SMPD2: variants seen among roughly 807,000 people sequenced by gnomAD.
The protein encoded by SMPD2 is sphingomyelin phosphodiesterase 2, also known as N-SMase.
In SMPD2, 35 loss-of-function variants were observed where a neutral mutation model predicts 41.7. That is an observed-to-expected ratio of 0.84 (90% CI 0.64 to 1.11). The LOEUF (loss-of-function observed/expected upper bound fraction) is 1.11, where lower values mean the gene tolerates loss of function less well. SMPD2 is among the 50% of genes most tolerant of loss of function. SMPD2 has a pLI of 0.00. For missense variants in SMPD2, 520 were observed against 524.8 expected (o/e 0.99, Z 0.09); for synonymous variants, 201 against 208.2 (o/e 0.97, Z 0.30).
chr6:109,441,695 C>T (rs1277115603), intron 3 of SMPD2, 67 bp downstream of exon 3: 1 of 1,416,348 alleles, frequency 7.1e-7, no homozygotes, highest in Middle Eastern at 1.8e-4. Flanking sequence ...CAGCCCTTCC[C>T]TATCCTGCCT....
intron 6 of SMPD2, 46 bp downstream of exon 6, chr6:109,442,671 G>C: frequency 6.2e-7 from 1 of 1,614,140 alleles, no homozygotes; most frequent in African/African-American, 1.3e-5. Context: ...GGGACCCAGG[G>C]GCTGAGGGTG....
In SMPD2 at chr6:109,442,739, C is replaced by T. The variant is rs781671880; in HGVS notation, c.492-13C>T. On this transcript the variant is annotated splice_polypyrimidine_tract_variant and intron_variant, in intron 6 of 9. Coordinates refer to ENST00000258052, the MANE Select transcript of SMPD2 (RefSeq NM_003080.3). ...ATGGAAGAACTCCCGCCTCACCAAC[C>T]TGGTTCCCCCAGCCACACATCCAAG... 1 of 1,603,814 alleles carries T rather than the reference C, an allele frequency of 6.2e-7. No individual in the cohort carries two copies. Among genetic ancestry groups the T allele is most frequent in the Non-Finnish European group, 8.5e-7 (1 of 1,179,542 alleles).
At chr6:109,442,679 G>A (rs1260336939) in intron 6 of SMPD2, 54 bp downstream of exon 6, 1 of 1,614,170 alleles carries the variant, frequency 6.2e-7, no homozygotes, top group East Asian at 2.2e-5. Context: ...GGGGCTGAGG[G>A]TGAACAAGGC....
Position 109,443,336 on chromosome 6 carries a change from AC to A in SMPD2, c.805del (p.Leu269SerfsTer7). 2 of 1,610,898 alleles carry A rather than the reference AC, an allele frequency of 1.2e-6. No individual in the cohort carries two copies. Among genetic ancestry groups the A allele is most frequent in the East Asian group, 2.2e-5 (1 of 44,834 alleles). Reference protein sequence around the residue: ...TTTGFDPHRGTPLSDHEALMA... With the variant: ...TTTGFDPHRGXPLSDHEALMA... The stretch of plus-strand genomic sequence containing the variant: ...TACAGGCTTTGACCCTCACAGGGGC[AC>A]CCCCCTCTCTGATCATGAAGCCCTG... On this transcript the variant is annotated frameshift_variant, in exon 9 of 10. Coordinates refer to ENST00000258052, the MANE Select transcript of SMPD2 (RefSeq NM_003080.3). LOFTEE classifies it high-confidence loss of function.
At chr6:109,441,815 G>A in intron 3 of SMPD2, 159 bp from the exon 4 acceptor site, 1 of 306,952 alleles carries the variant, frequency 3.3e-6, no homozygotes, top group Non-Finnish European at 4.8e-6. Flanking sequence ...TTTTCTGGCT[G>A]CCCTATACTC....
At chr6:109,442,420 G>A (rs1355211117) in intron 5 of SMPD2, 121 bp downstream of exon 5, 2 of 1,327,042 alleles carry the variant, frequency 1.5e-6, no homozygotes, top group South Asian at 2.4e-5. Flanking sequence ...TTATAAGGAA[G>A]CAATGGGCAA....
chr6:109,440,768 C>T lies in SMPD2; in HGVS notation c.-354C>T, dbSNP rs1774820475. On this transcript the variant is annotated 5_prime_UTR_variant, in exon 1 of 10. Transcript: ENST00000258052. ...GCTGGGCCGCCGGCGCGCGGGCGGC[C>T]GCGACCGCCGGGGACGAGCTTGGAG... The T allele has an allele frequency of 2.9e-6, 1 of 339,286 alleles. No homozygotes were observed. Among genetic ancestry groups the T allele is most frequent in the African/African-American group, 2.2e-5 (1 of 45,936 alleles). 21.0% of individuals were successfully genotyped at this position (339,286 alleles called of 1,614,324 possible).
intron 3 of SMPD2, 59 bp from the exon 4 acceptor site, chr6:109,441,915 G>A (rs766960786): frequency 1.8e-5 from 26 of 1,451,692 alleles, no homozygotes; most frequent in Non-Finnish European, 2.4e-5. Flanking sequence ...CAAGGGAGGG[G>A]AAGAAGGCTG....
rs745765827 is a variant in SMPD2, at chr6:109,443,360, C to A, written c.823C>A (p.Leu275Met). Residue 275 changes from leucine to methionine, a missense_variant, in exon 9 of 10, where the codon CTG (leucine) becomes ATG (methionine). Leu to Met is a conservative substitution (Grantham distance 15). Transcript: ENST00000258052. ...CACCCCCCTCTCTGATCATGAAGCC[C>A]TGATGGCTACTCTGTTTGTGAGGCA... is the stretch of plus-strand genomic sequence containing the variant. The part of the protein sequence containing the change: ...RGTPLSDHEA[L>M]MATLFVRHSP... The A allele has an allele frequency of 1.7e-5, 28 of 1,613,984 alleles. No individual in the cohort carries two copies. In the African/African-American group the frequency reaches 3.1e-4, roughly 18 times the overall value.
Position 109,443,601 on chromosome 6 carries a change from G to A in SMPD2, c.968G>A (p.Trp323Ter), listed in dbSNP as rs1380495375. The A allele has an allele frequency of 1.9e-6, 3 of 1,613,788 alleles. No homozygotes were observed. The highest frequency in any genetic ancestry group is 2.5e-6 in the Non-Finnish European group (3 of 1,180,010). Residue 323 changes from tryptophan (W) to a stop codon, truncating the protein, a stop_gained, in exon 10 of 10, where the codon TGG becomes TAG. Transcript: ENST00000258052. LOFTEE classifies it low-confidence loss of function (END_TRUNC). ...CTGGGCATGGCTCAGGCTCGCTGGT[G>A]GGCCACCTTCGCTAGCTATGTGATT... ...LGLGMAQARW[W>*]ATFASYVIGL...
At position 109,440,963 on chromosome 6, in the gene SMPD2, T is replaced by G; in HGVS notation, c.-159T>G. 2.6e-5 allele frequency: 17 copies of G among 642,222 alleles called. No individual in the cohort carries two copies. The highest frequency in any genetic ancestry group is 6.3e-5 in the South Asian group (3 of 47,454). 39.8% of individuals were successfully genotyped at this position (642,222 alleles called of 1,614,324 possible). A position where few individuals can be genotyped will look rare whatever the true frequency, so the allele number is the denominator to read the frequency against. Reference sequence around the variant, plus strand: ...GCCGGTTGCCGGGGGAACGCGGGAGTCGGGCCCGACCTGAGCCACGCGGGC... The same window carrying G: ...GCCGGTTGCCGGGGGAACGCGGGAGGCGGGCCCGACCTGAGCCACGCGGGC... On this transcript the variant is annotated 5_prime_UTR_variant, in exon 1 of 10. Coordinates refer to ENST00000258052, the MANE Select transcript of SMPD2 (RefSeq NM_003080.3).
chr6:109,441,164 A>T lies in SMPD2; in HGVS notation c.43A>T (p.Asn15Tyr), dbSNP rs745963003. 1.5e-5 allele frequency: 24 copies of T among 1,613,942 alleles called. 1 individual carries two copies. The South Asian group carries it at 2.6e-4, about 18-fold the overall frequency. The part of the protein sequence containing the change: ...FSLRLRIFNL[N>Y]CWGIPYLSKH... ...CCTGCGACTGCGGATCTTCAACCTC[A>T]ACTGCTGGTGAGTGCGTCTGCGGAG... The change falls in exon 1 of 10, where the codon AAC (asparagine) becomes TAC (tyrosine). Residue 15 changes from asparagine to tyrosine, a missense_variant. By Grantham distance (143) the Asn-to-Tyr change is moderately radical (BLOSUM62 -2). Coordinates refer to ENST00000258052, the MANE Select transcript of SMPD2 (RefSeq NM_003080.3).
In SMPD2 at chr6:109,440,894, G is replaced by C; in HGVS notation, c.-228G>C. ...CCTGGGCGCCCGGATTTCGGCAGCG[G>C]ATCGCCTTTCCGGGTTGGCGGCCCG... On this transcript the variant is annotated 5_prime_UTR_variant, in exon 1 of 10. Coordinates refer to ENST00000258052, the MANE Select transcript of SMPD2 (RefSeq NM_003080.3). The C allele has an allele frequency of 1.8e-6, 1 of 556,682 alleles. No individual in the cohort carries two copies. The highest frequency in any genetic ancestry group is 2.3e-5 in the South Asian group (1 of 43,164). The allele number at this position is 556,682 out of a possible 1,614,324, so 34.5% of individuals were successfully genotyped here. A position where few individuals can be genotyped will look rare whatever the true frequency, so the allele number is the denominator to read the frequency against.
chr6:109,442,197 C>T lies in SMPD2; in HGVS notation c.319-13C>T. 2.5e-6 allele frequency: 4 copies of T among 1,613,736 alleles called. No individual in the cohort carries two copies. Among genetic ancestry groups the T allele is most frequent in the Non-Finnish European group, 3.4e-6 (4 of 1,179,626 alleles). The stretch of plus-strand genomic sequence containing the variant: ...TGGCGGTGCCCTGAGTTTCTATCTC[C>T]TCCTGCCTGCAGATCCATCATGGTG... On this transcript the variant is annotated splice_polypyrimidine_tract_variant and intron_variant, in intron 4 of 9. Transcript: ENST00000258052.
In SMPD2 at chr6:109,440,899, C is replaced by T. The variant is rs944215738; in HGVS notation, c.-223C>T. On this transcript the variant is annotated 5_prime_UTR_variant, in exon 1 of 10. Coordinates refer to ENST00000258052, the MANE Select transcript of SMPD2 (RefSeq NM_003080.3). ...GCGCCCGGATTTCGGCAGCGGATCGCCTTTCCGGGTTGGCGGCCCGCCTGA... is the reference window on the plus strand; with the variant it reads ...GCGCCCGGATTTCGGCAGCGGATCGTCTTTCCGGGTTGGCGGCCCGCCTGA... The T allele has an allele frequency of 3.5e-6, 2 of 563,976 alleles. No homozygotes were observed. Among genetic ancestry groups the T allele is most frequent in the Admixed American group, 3.5e-5 (1 of 28,380 alleles). The allele number at this position is 563,976 out of a possible 1,614,324, so 34.9% of individuals were successfully genotyped here. A position where few individuals can be genotyped will look rare whatever the true frequency, so the allele number is the denominator to read the frequency against.
chr6:109,442,890 G>T lies in SMPD2; in HGVS notation c.624+6G>T. ...TTGAAACTCGGGACTTCAAGGTGAG[G>T]ACTTGCCTGTTACTTCCCCACCTAT... is the stretch of plus-strand genomic sequence containing the variant. On this transcript the variant is annotated splice_donor_region_variant and intron_variant, in intron 7 of 9. Transcript: ENST00000258052. The T allele has an allele frequency of 6.2e-7, 1 of 1,612,182 alleles. No homozygotes were observed. Among genetic ancestry groups the T allele is most frequent in the Non-Finnish European group, 8.5e-7 (1 of 1,178,388 alleles).
In SMPD2 at chr6:109,441,067, C is replaced by T. The variant is rs1774847799; in HGVS notation, c.-55C>T. 6.3e-7 allele frequency: 1 copy of T among 1,593,880 alleles called. No individual in the cohort carries two copies. Among genetic ancestry groups the T allele is most frequent in the African/African-American group, 1.3e-5 (1 of 74,458 alleles). On this transcript the variant is annotated 5_prime_UTR_variant, in exon 1 of 10. Transcript: ENST00000258052. ...GCGCCGCCGGCCGCCCCCGTCCCCA[C>T]CGCGGCCGTCGCTGGAGAGTTCGAG...
At chr6:109,442,182 C>T in intron 4 of SMPD2, 28 bp from the exon 5 acceptor site, 1 of 1,611,424 alleles carries the variant, frequency 6.2e-7, no homozygotes, top group Middle Eastern at 1.7e-4. Flanking sequence ...TGGCGGTGCC[C>T]TGAGTTTCTA....
In SMPD2 at chr6:109,442,871, C is replaced by T; in HGVS notation, c.611C>T (p.Thr204Ile). Residue 204 changes from threonine (T) to isoleucine (I), a missense_variant, in exon 7 of 10, where the codon ACT becomes ATT. Physicochemically the swap from Thr to Ile is moderately conservative, Grantham distance 89. Coordinates refer to ENST00000258052, the MANE Select transcript of SMPD2 (RefSeq NM_003080.3). ...WTGLHDAYLE[T>I]RDFKGSEEGN... ...GGGCTTCATGATGCCTATCTTGAAACTCGGGACTTCAAGGTGAGGACTTGC... is the reference window on the plus strand; with the variant it reads ...GGGCTTCATGATGCCTATCTTGAAATTCGGGACTTCAAGGTGAGGACTTGC... 4 of 1,612,794 alleles carry T rather than the reference C, an allele frequency of 2.5e-6. No homozygotes were observed. The highest frequency in any genetic ancestry group is 3.4e-6 in the Non-Finnish European group (4 of 1,178,874).
Sources: gnomAD v4.1 joint callset for allele counts on GRCh38, gnomAD v4.1.1 for gene constraint, MANE v1.5 for transcripts, NCBI Gene and HGNC (gene_info 2026-07-23, HGNC 2026-07-21) for gene names.